SINHCAF: variants seen among roughly 807,000 people sequenced by gnomAD.
The protein encoded by SINHCAF is SIN3-HDAC complex associated factor.
A neutral mutation model predicts 25.8 loss-of-function variants in SINHCAF; 3 were observed. The observed-to-expected ratio is 0.12, with a 90% CI of 0.05 to 0.30. SINHCAF has a LOEUF of 0.30. SINHCAF is among the 10% of genes least tolerant of loss of function. The pLI is 1.00. For synonymous variants in SINHCAF, 70 were observed against 85.5 expected (o/e 0.82, Z 1.00); for missense variants, 121 against 262.3 (o/e 0.46, Z 3.72).
rs753619818 is a variant in SINHCAF at position 31,287,678 on chromosome 12, G to C, written c.462C>G (p.Asn154Lys). Residue 154 changes from asparagine (N) to lysine (K), a missense_variant, in exon 5 of 6, where the codon AAC becomes AAG. Physicochemically the swap from Asn to Lys is moderately conservative, Grantham distance 94 (BLOSUM62 0). Transcript: ENST00000337682. ...CTAAAAAGGAAAAAACTGGTGTTCT[G>C]TTAGAACCAGAAGCCATCTCTGTAT... Reference protein sequence around the residue: ...GSDTEMASGSNRTPVFSFLDL... With the variant: ...GSDTEMASGSKRTPVFSFLDL... 1.9e-6 allele frequency: 3 copies of C among 1,605,966 alleles called. No individual in the cohort carries two copies. Among genetic ancestry groups the C allele is most frequent in the Admixed American group, 3.3e-5 (2 of 59,878 alleles).
intron 4 of SINHCAF, among the ~76,000 whole-genome samples, chr12:31,288,353 G>A (rs1210784510): frequency 6.6e-6 from 1 of 152,130 alleles, no homozygotes; most frequent in African/African-American, 2.4e-5. Context: ...AAAAACTGTG[G>A]ACACCTTTCC....
intron 2 of SINHCAF, among the ~76,000 whole-genome samples, chr12:31,296,684 T>C (rs1054133880): frequency 6.6e-6 from 1 of 152,144 alleles, no homozygotes; most frequent in Non-Finnish European, 1.5e-5. Flanking sequence ...CAAAATCCTG[T>C]ATCTACAAAA....
In SINHCAF at chr12:31,293,313, C is replaced by G. The variant is rs964919568; in HGVS notation, c.355+492G>C. ...CCTGACATTAATTAATTAGACATTCCTTTCTCATTCTATCACACAACACAC... is the reference window on the plus strand; with the variant it reads ...CCTGACATTAATTAATTAGACATTCGTTTCTCATTCTATCACACAACACAC... On this transcript the variant is annotated intron_variant, in intron 4 of 5. Coordinates refer to ENST00000337682, the MANE Select transcript of SINHCAF (RefSeq NM_001135812.2). 2.6e-5 allele frequency among the ~76,000 whole-genome samples: 4 copies of G among 152,160 alleles called. No homozygotes were observed. In the South Asian group the frequency reaches 8.3e-4, roughly 32 times the overall value.
chr12:31,310,643 T>A (rs2137119331), intron 1 of SINHCAF, among the ~76,000 whole-genome samples: 1 of 152,352 alleles, frequency 6.6e-6, no homozygotes, highest in South Asian at 2.1e-4. Flanking sequence ...TGACCAGTCA[T>A]TAGTTCTGGC....
chr12:31,305,595 C>A lies in SINHCAF; in HGVS notation c.-20-7371G>T, dbSNP rs137927463. On this transcript the variant is annotated intron_variant, in intron 1 of 5. Transcript: ENST00000337682. ...TATTCCATTGGTCCATTCTACCAAT[C>A]CGGGGACTTAGCCAATTGTGTTATT... Among the ~76,000 whole-genome samples, 918 of 152,208 alleles carry A rather than the reference C, an allele frequency of 6.0e-3. 12 individuals are homozygous for A. Among genetic ancestry groups the A allele is most frequent in the African/African-American group, 0.021 (871 of 41,522 alleles).
At position 31,298,243 on chromosome 12, in the gene SINHCAF, TG is replaced by T; in HGVS notation, c.-20-20del. 1.2e-6 allele frequency: 2 copies of T among 1,612,522 alleles called. No homozygotes were observed. Among genetic ancestry groups the T allele is most frequent in the Non-Finnish European group, 1.7e-6 (2 of 1,179,782 alleles). The stretch of plus-strand genomic sequence containing the variant: ...CAATAGTCTGTAAAGCCAAGGGAAT[TG>T]ACATATCTTTGTTGAGGGCTGTAAC... On this transcript the variant is annotated intron_variant, in intron 1 of 5. Coordinates refer to ENST00000337682, the MANE Select transcript of SINHCAF (RefSeq NM_001135812.2).
intron 1 of SINHCAF, among the ~76,000 whole-genome samples, chr12:31,301,736 T>C (rs1288106852): frequency 6.6e-6 from 1 of 151,192 alleles, no homozygotes; most frequent in African/African-American, 2.4e-5. Context: ...TACAAACCCA[T>C]GAAATGTTTA....
rs1483007751 is a variant in SINHCAF, at chr12:31,305,705, T to TTTTA, written c.-20-7482_-20-7481insTAAA. On this transcript the variant is annotated intron_variant, in intron 1 of 5. Coordinates refer to ENST00000337682, the MANE Select transcript of SINHCAF (RefSeq NM_001135812.2). ...ACGGAAATATAGGCCAATTTTTTTT[T>TTTTA]TTTTTTTTTTTTGAGACTAAGTCTC... Among the ~76,000 whole-genome samples the TTTTA allele has an allele frequency of 3.8e-3, 576 of 151,014 alleles. 6 individuals carry two copies. Among genetic ancestry groups the TTTTA allele is most frequent in the African/African-American group, 0.013 (549 of 41,062 alleles).
intron 5 of SINHCAF, among the ~76,000 whole-genome samples, chr12:31,283,675 C>T (rs1373486487): frequency 6.6e-6 from 1 of 152,034 alleles, no homozygotes; most frequent in African/African-American, 2.4e-5. Flanking sequence ...GCCTACAGAC[C>T]ACATACTCTA....
At chr12:31,285,226 A>T (rs1413879149) in intron 5 of SINHCAF, among the ~76,000 whole-genome samples, 1 of 151,870 alleles carries the variant, frequency 6.6e-6, no homozygotes, top group African/African-American at 2.4e-5. Flanking sequence ...AATCTCTACT[A>T]AAAATACAAA....
At chr12:31,303,456 T>C (rs1938889840) in intron 1 of SINHCAF, 1 of 153,140 alleles carries the variant, frequency 6.5e-6, no homozygotes, top group African/African-American at 2.4e-5. Flanking sequence ...TACATTGTGC[T>C]ACCATAATGG....
intron 2 of SINHCAF, chr12:31,297,007 C>A (rs1244297314): frequency 2.3e-6 from 1 of 443,084 alleles, no homozygotes; most frequent in African/African-American, 2.0e-5. Flanking sequence ...TGAATAGCTA[C>A]TGCACTCCAG....
In SINHCAF at chr12:31,325,330, G is replaced by C; in HGVS notation, c.-21+694C>G. The C allele has an allele frequency of 2.3e-6, 1 of 431,402 alleles. No individual in the cohort carries two copies. Among genetic ancestry groups the C allele is most frequent in the South Asian group, 1.6e-5 (1 of 61,334 alleles). The allele number at this position is 431,402 out of a possible 1,614,324, so 26.7% of individuals were successfully genotyped here. The stretch of plus-strand genomic sequence containing the variant: ...GAAGACGGGCTGTTTTTAAGCGACC[G>C]CGTGTTGCTCTCATTGTCGCATCCG... On this transcript the variant is annotated intron_variant, in intron 1 of 5. Transcript: ENST00000337682. This position sits in a 1 kb window ranked among gnomAD's most constrained non-coding sequence, Gnocchi z 5.9.
chr12:31,290,772 T>G (rs1211047558), intron 4 of SINHCAF, among the ~76,000 whole-genome samples: 1 of 152,180 alleles, frequency 6.6e-6, no homozygotes, highest in Non-Finnish European at 1.5e-5. Context: ...CAGGCTGGAG[T>G]GCAATAGCAC....
chr12:31,304,558 G>C (rs1178466632), intron 1 of SINHCAF: 1 of 152,186 alleles, frequency 6.6e-6, no homozygotes, highest in Non-Finnish European at 1.5e-5. Flanking sequence ...GTGAGACTTA[G>C]GGCTTATTAC....
chr12:31,287,515 C>T, intron 5 of SINHCAF, 119 bp downstream of exon 5: 1 of 624,646 alleles, frequency 1.6e-6, no homozygotes, highest in South Asian at 3.6e-5. Context: ...CTGCTTAATC[C>T]ACTGCAATCG....
intron 1 of SINHCAF, among the ~76,000 whole-genome samples, chr12:31,319,772 G>A (rs988053882): frequency 1.3e-5 from 2 of 151,882 alleles, no homozygotes; most frequent in Admixed American, 6.6e-5. Flanking sequence ...TTCATTCCCT[G>A]GTCCAATCTC....
intron 1 of SINHCAF, among the ~76,000 whole-genome samples, chr12:31,309,987 G>C (rs1443958925): frequency 1.3e-5 from 2 of 151,850 alleles, no homozygotes; most frequent in Non-Finnish European, 2.9e-5. Flanking sequence ...ATATTATGAG[G>C]GCATTTTTTG....
Position 31,324,919 on chromosome 12 carries a change from G to T in SINHCAF, c.-21+1105C>A, listed in dbSNP as rs1431304609. ...TTCACTCTGCTTTTTAAACTGGCAA[G>T]ACGCCATCATCAGCAAACCACATTG... On this transcript the variant is annotated intron_variant, in intron 1 of 5. Coordinates refer to ENST00000337682, the MANE Select transcript of SINHCAF (RefSeq NM_001135812.2). This position sits in a 1 kb window ranked among gnomAD's most constrained non-coding sequence, Gnocchi z 5.5. The T allele has an allele frequency of 2.2e-6, 1 of 454,790 alleles. No individual in the cohort carries two copies. Among genetic ancestry groups the T allele is most frequent in the African/African-American group, 2.0e-5 (1 of 50,068 alleles). The allele number at this position is 454,790 out of a possible 1,614,324, so 28.2% of individuals were successfully genotyped here.
Sources: gnomAD v4.1 joint callset for allele counts (sites outside exome capture counted in the v4.1 genomes callset) on GRCh38, gnomAD v4.1.1 for gene constraint, Gnocchi (gnomAD v3.1) non-coding constraint, MANE v1.5 for transcripts, NCBI Gene and HGNC (gene_info 2026-07-23, HGNC 2026-07-21) for gene names.